TTC13: variants seen among roughly 807,000 people sequenced by gnomAD.
TTC13 encodes tetratricopeptide repeat protein 13.
Under a neutral mutation model 120.0 loss-of-function variants are expected in TTC13, and 62 were observed. The ratio of observed to expected loss-of-function variants is 0.52; its 90% CI spans 0.42 to 0.64. The LOEUF (loss-of-function observed/expected upper bound fraction) is 0.64, where lower values mean the gene tolerates loss of function less well. Among genes scored for constraint, TTC13 ranks in the 30% least tolerant of loss-of-function variants. The pLI, the probability that TTC13 is intolerant of heterozygous loss-of-function variation, is 0.00. For missense variants in TTC13, 824 were observed against 1,050.2 expected (o/e 0.78, Z 2.98); for synonymous variants, 384 against 393.5 (o/e 0.98, Z 0.28).
chr1:230,953,897 T>G (rs909902215), intron 4 of TTC13, among the ~76,000 whole-genome samples: 1 of 152,096 alleles, frequency 6.6e-6, no homozygotes, highest in Non-Finnish European at 1.5e-5. Context: ...TACCTATGAG[T>G]AGAAATTAAG....
At chr1:230,934,670 T>TA (rs1211932023) in intron 8 of TTC13, among the ~76,000 whole-genome samples, 1 of 152,052 alleles carries the variant, frequency 6.6e-6, no homozygotes, top group African/African-American at 2.4e-5. Context: ...TACACTGCAA[T>TA]AAAAAAAATT....
chr1:230,972,288 C>A (rs1030263677), intron 1 of TTC13, among the ~76,000 whole-genome samples: 3 of 152,226 alleles, frequency 2.0e-5, no homozygotes, highest in Non-Finnish European at 4.4e-5. Flanking sequence ...GATTTCGGTT[C>A]TTTCTGATTA....
Position 230,978,589 on chromosome 1 carries a change from C to A in TTC13, c.242G>T (p.Trp81Leu). The change falls in exon 1 of 23, where the codon TGG becomes TTG. Residue 81 changes from tryptophan (W) to leucine (L), a missense_variant. Trp to Leu is a moderately conservative substitution (Grantham distance 61). This residue lies in a region of TTC13 where 160 missense variants were observed against 137.2 expected (regional missense o/e 1.17). Transcript: ENST00000366661. The surrounding 1 kb of genome is among the most constrained non-coding windows in gnomAD (Gnocchi z 5.6). ...GGGCSPQSGDWGDQYSAECGE... is the reference protein window; with the variant it reads ...GGGCSPQSGDLGDQYSAECGE... ...GCACTCGGCAGAGTACTGGTCCCCC[C>A]AGTCCCCGGACTGCGGGCTGCAGCC... The A allele has an allele frequency of 5.8e-6, 8 of 1,373,770 alleles. No individual in the cohort carries two copies. Among genetic ancestry groups the A allele is most frequent in the Non-Finnish European group, 7.7e-6 (8 of 1,035,260 alleles). 85.1% of individuals were successfully genotyped at this position (1,373,770 alleles called of 1,614,324 possible). A position where few individuals can be genotyped will look rare whatever the true frequency, so the allele number is the denominator to read the frequency against.
Position 230,907,013 on chromosome 1 carries a change from T to C in TTC13, c.2475A>G (p.Ser825=). 4 of 1,480,218 alleles carry C rather than the reference T, an allele frequency of 2.7e-6. No individual in the cohort carries two copies. The highest frequency in any genetic ancestry group is 1.3e-5 in the South Asian group (1 of 74,922). The allele number at this position is 1,480,218 out of a possible 1,614,324, so 91.7% of individuals were successfully genotyped here. A position where few individuals can be genotyped will look rare whatever the true frequency, so the allele number is the denominator to read the frequency against. ...CTGATGGAAGAGTCTTATAAGAAGG[T>C]GAAATACTGAAAAAGAAAAACACAA... The part of the protein sequence containing the change: ...AKSWMNLKSI[S]PSYKTLPSVS... The change falls in exon 23 of 23, where the codon TCA becomes TCG. Residue 825 remains serine, a synonymous_variant. Coordinates refer to ENST00000366661, the MANE Select transcript of TTC13 (RefSeq NM_024525.5).
At chr1:230,948,666 T>C (rs1044235911) in intron 4 of TTC13, among the ~76,000 whole-genome samples, 4 of 152,192 alleles carry the variant, frequency 2.6e-5, no homozygotes, top group Admixed American at 2.6e-4. Flanking sequence ...TTTAAAATTT[T>C]TTTGTTGAGA....
chr1:230,940,484 C>G lies in TTC13; in HGVS notation c.745G>C (p.Ala249Pro). Residue 249 changes from alanine (A) to proline (P), a missense_variant, in exon 7 of 23, where the codon GCA (alanine) becomes CCA (proline). By Grantham distance (27) the Ala-to-Pro change is conservative (BLOSUM62 -1). Transcript: ENST00000366661. The surrounding 1 kb of genome is among the most constrained non-coding windows in gnomAD (Gnocchi z 4.1). ...LTKAIQLQPS[A>P]RLYRHRGTLY... is the part of the protein sequence containing the mutation. Reference sequence around the variant, plus strand: ...GTTCCCCGATGTCTGTACAGCCGTGCTGAGGGCTGCAGTTGGATAGCTTTA... The same window carrying G: ...GTTCCCCGATGTCTGTACAGCCGTGGTGAGGGCTGCAGTTGGATAGCTTTA... The G allele has an allele frequency of 6.2e-7, 1 of 1,613,874 alleles. No individual in the cohort carries two copies.
intron 2 of TTC13, among the ~76,000 whole-genome samples, chr1:230,959,774 C>T (rs1054537774): frequency 1.3e-5 from 2 of 152,218 alleles, no homozygotes; most frequent in Admixed American, 1.3e-4. Context: ...AGAAGCTATG[C>T]TCAAGTAAGT....
rs918269759 is a variant in TTC13 at position 230,940,361 on chromosome 1, CAA to C, written c.789+77_789+78del. The C allele has an allele frequency of 9.9e-5, 91 of 917,998 alleles. No homozygotes were observed. Among genetic ancestry groups the C allele is most frequent in the Admixed American group, 6.4e-4 (32 of 50,330 alleles). The allele number at this position is 917,998 out of a possible 1,614,324, so 56.9% of individuals were successfully genotyped here. On this transcript the variant is annotated intron_variant, in intron 7 of 22. Coordinates refer to ENST00000366661, the MANE Select transcript of TTC13 (RefSeq NM_024525.5). This position sits in a 1 kb window ranked among gnomAD's most constrained non-coding sequence, Gnocchi z 4.1. The stretch of plus-strand genomic sequence containing the variant: ...CTAAACAGTCAAAGCCCAAATCTAT[CAA>C]AGAGTCACTTTCTGAGGTCAAGGGA...
chr1:230,929,024 G>A lies in TTC13; in HGVS notation c.1370C>T (p.Pro457Leu). ...AGCCCAGTGGTCCTTAAAGCTTCCA[G>A]GCAGATCCACATCAATGTTATATTC... ...LTEYNIDVDL[P>L]GSFKDHWAKN... The change falls in exon 12 of 23, where the codon CCT (proline) becomes CTT (leucine). Residue 457 changes from proline (P) to leucine (L), a missense_variant. This residue lies in a region of TTC13 where 430 missense variants were observed against 626.8 expected (regional missense o/e 0.69). Coordinates refer to ENST00000366661, the MANE Select transcript of TTC13 (RefSeq NM_024525.5). The A allele has an allele frequency of 6.2e-7, 1 of 1,614,146 alleles. No homozygotes were observed.
intron 15 of TTC13, among the ~76,000 whole-genome samples, chr1:230,923,598 C>T (rs553088861): frequency 3.8e-4 from 58 of 152,286 alleles, no homozygotes; most frequent in Non-Finnish European, 6.5e-4. Flanking sequence ...ATCTACCCTT[C>T]GGTTGTGCTC....
intron 4 of TTC13, among the ~76,000 whole-genome samples, chr1:230,949,765 C>CCT: frequency 6.6e-6 from 1 of 152,318 alleles, no homozygotes; most frequent in East Asian, 1.9e-4. Context: ...CCCGCCTCAG[C>CCT]CTCCTGAGTA....
At chr1:230,943,469 T>G (rs1329462293) in intron 6 of TTC13, among the ~76,000 whole-genome samples, 1 of 152,134 alleles carries the variant, frequency 6.6e-6, no homozygotes, top group Non-Finnish European at 1.5e-5. Context: ...GTGTGTTGTA[T>G]TTTTCTGTGT....
intron 19 of TTC13, among the ~76,000 whole-genome samples, chr1:230,912,359 T>C (rs759092224): frequency 6.6e-6 from 1 of 152,238 alleles, no homozygotes; most frequent in Non-Finnish European, 1.5e-5. Context: ...ATTTTCATTA[T>C]GGACCAGCTT....
intron 4 of TTC13, among the ~76,000 whole-genome samples, chr1:230,945,671 T>G (rs1674926898): frequency 6.6e-6 from 1 of 152,018 alleles, no homozygotes; most frequent in Non-Finnish European, 1.5e-5. Context: ...AAAAAAATAA[T>G]AGAGAGAGAA....
chr1:230,906,875 C>G lies in TTC13; in HGVS notation c.*30G>C. The G allele has an allele frequency of 8.8e-7, 1 of 1,135,210 alleles. No homozygotes were observed. The highest frequency in any genetic ancestry group is 1.2e-6 in the Non-Finnish European group (1 of 823,142). 70.3% of individuals were successfully genotyped at this position (1,135,210 alleles called of 1,614,324 possible). On this transcript the variant is annotated 3_prime_UTR_variant, in exon 23 of 23. Coordinates refer to ENST00000366661, the MANE Select transcript of TTC13 (RefSeq NM_024525.5). ...ATAACTTAAGAAGCAAGAGGTCCGGCCCTTTACTTGTATAAATACAGCAGC... is the reference window on the plus strand; with the variant it reads ...ATAACTTAAGAAGCAAGAGGTCCGGGCCTTTACTTGTATAAATACAGCAGC...
chr1:230,950,403 G>C (rs1282219910), intron 4 of TTC13, among the ~76,000 whole-genome samples: 1 of 151,634 alleles, frequency 6.6e-6, no homozygotes, highest in Non-Finnish European at 1.5e-5. Context: ...AAATGGTGTT[G>C]TGTCTACTTA....
chr1:230,926,266 G>A (rs1673041396), intron 12 of TTC13, among the ~76,000 whole-genome samples: 1 of 151,964 alleles, frequency 6.6e-6, no homozygotes, highest in Non-Finnish European at 1.5e-5. Context: ...AACCGGCAGA[G>A]GGAAGAGGCA....
chr1:230,959,472 C>T (rs1291348166), intron 2 of TTC13, among the ~76,000 whole-genome samples: 1 of 152,132 alleles, frequency 6.6e-6, no homozygotes, highest in Non-Finnish European at 1.5e-5. Flanking sequence ...ACCTCCGCCG[C>T]CTGGGTTCAA....
chr1:230,969,940 C>CT (rs1677553332), intron 1 of TTC13, among the ~76,000 whole-genome samples: 1 of 152,210 alleles, frequency 6.6e-6, no homozygotes, highest in Non-Finnish European at 1.5e-5. Context: ...CTTCACAGTA[C>CT]TTCCCAGCTT....
Sources: gnomAD v4.1 joint callset for allele counts (sites outside exome capture counted in the v4.1 genomes callset) on GRCh38, gnomAD v4.1.1 for gene constraint, gnomAD v4.1.1 regional missense constraint, Gnocchi (gnomAD v3.1) non-coding constraint, MANE v1.5 for transcripts, NCBI Gene and HGNC (gene_info 2026-07-23, HGNC 2026-07-21) for gene names.